The following ATXN10 variants were observed in gnomAD, a reference collection of about 807,000 sequenced individuals.
The protein encoded by ATXN10 is ataxin-10.
ATXN10 carries 28 observed loss-of-function variants against 52.9 expected under a neutral mutation model. The observed-to-expected ratio is 0.53, with a 90% CI of 0.39 to 0.73. The LOEUF (loss-of-function observed/expected upper bound fraction) is 0.73, where lower values mean the gene tolerates loss of function less well. Ranked by LOEUF, ATXN10 falls within the 30% of genes least tolerant of loss-of-function variation. The pLI, the probability that ATXN10 is intolerant of heterozygous loss-of-function variation, is 0.00. For missense variants in ATXN10, 565 were observed against 577.0 expected, an observed-to-expected ratio of 0.98 and a Z score of 0.21; for synonymous variants, 226 against 221.5, an observed-to-expected ratio of 1.02 and a Z score of -0.18.
At chr22:45,697,683 G>T (rs932060299) in intron 3 of ATXN10, among the ~76,000 whole-genome samples, 1 of 152,108 alleles carries the variant, frequency 6.6e-6, no homozygotes, top group Admixed American at 6.5e-5. Flanking sequence ...AGGCTGGAGT[G>T]CAGTGGGGCG....
chr22:45,725,446 C>T (rs1368738496), intron 6 of ATXN10, among the ~76,000 whole-genome samples: 9 of 108,148 alleles, frequency 8.3e-5, no homozygotes, highest in African/African-American at 2.4e-4. Context: ...GGACTGTGTT[C>T]TTGATTTGTT....
At chr22:45,751,748 AAAAAAATAAAAAAAAAATAATAAT>A (rs1925966539) in intron 9 of ATXN10, among the ~76,000 whole-genome samples, 1 of 64,816 alleles carries the variant, frequency 1.5e-5, no homozygotes, top group Admixed American at 1.7e-4. Flanking sequence ...TGGAAAAAAA[AAAAAAATAAAAAAAAAATAATAAT>A]AATAATAATA....
chr22:45,841,844 A>G lies in ATXN10; in HGVS notation c.1238-1147A>G, dbSNP rs2146921050. Among the ~76,000 whole-genome samples, 1 of 152,304 alleles carries G rather than the reference A, an allele frequency of 6.6e-6. No homozygotes were observed. The highest frequency in any genetic ancestry group is 6.5e-5 in the Admixed American group (1 of 15,306). ...TAGAAATGTCTCAGAACTGGTCCAC[A>G]GCGTTGCACAGGGGTGTTCAGGACA... On this transcript the variant is annotated intron_variant, in intron 10 of 11. Coordinates refer to ENST00000252934, the MANE Select transcript of ATXN10 (RefSeq NM_013236.4). This position sits in a 1 kb window ranked among gnomAD's most constrained non-coding sequence, Gnocchi z 5.1.
intron 10 of ATXN10, 77 bp downstream of exon 10, chr22:45,807,099 C>T (rs1928124838): frequency 5.1e-6 from 6 of 1,169,486 alleles, no homozygotes; most frequent in Non-Finnish European, 7.8e-6. Context: ...GCCTCATGTT[C>T]ATTCAGTATG....
rs941530518 is a variant in ATXN10, at chr22:45,844,878, T to C, written c.*1207T>C. On this transcript the variant is annotated 3_prime_UTR_variant, in exon 12 of 12. Coordinates refer to ENST00000252934, the MANE Select transcript of ATXN10 (RefSeq NM_013236.4). ...CTTCTAAGCTTTGTGTAGACATAGT[T>C]TAACTGATTTGTAAAAATAGCTTAA... The C allele has an allele frequency of 6.6e-6, 1 of 152,248 alleles. No homozygotes were observed. The highest frequency in any genetic ancestry group is 2.4e-5 in the African/African-American group (1 of 41,462). 9.4% of individuals were successfully genotyped at this position (152,248 alleles called of 1,614,324 possible). A position where few individuals can be genotyped will look rare whatever the true frequency, so the allele number is the denominator to read the frequency against.
At position 45,775,453 on chromosome 22, in the gene ATXN10, ATTTAG is replaced by A. The variant is rs1926918435; in HGVS notation, c.1174-31503_1174-31499del. On this transcript the variant is annotated intron_variant, in intron 9 of 11. Transcript: ENST00000252934. This position sits in a 1 kb window ranked among gnomAD's most constrained non-coding sequence, Gnocchi z 4.7. Reference sequence around the variant, plus strand: ...TGCTGAAAGTTTATATTCATTCCATATTTAGTTGTCTTTATTCTGTTCAAACATTT... The same window carrying A: ...TGCTGAAAGTTTATATTCATTCCATATTGTCTTTATTCTGTTCAAACATTT... Among the ~76,000 whole-genome samples the A allele has an allele frequency of 6.6e-6, 1 of 152,180 alleles. No individual in the cohort carries two copies. The highest frequency in any genetic ancestry group is 1.5e-5 in the Non-Finnish European group (1 of 68,038).
At chr22:45,791,825 C>T (rs1927522905) in intron 9 of ATXN10, among the ~76,000 whole-genome samples, 1 of 152,110 alleles carries the variant, frequency 6.6e-6, no homozygotes, top group Non-Finnish European at 1.5e-5. Context: ...CCTTATTTTT[C>T]TGTTGTTTTG....
chr22:45,751,739 G>GAAAAAAA, intron 9 of ATXN10, among the ~76,000 whole-genome samples: 1 of 14,098 alleles, frequency 7.1e-5, no homozygotes, highest in African/African-American at 3.0e-4. Flanking sequence ...ACCTTTTTCT[G>GAAAAAAA]GAAAAAAAAA....
At chr22:45,758,771 G>A (rs932976379) in intron 9 of ATXN10, among the ~76,000 whole-genome samples, 1 of 152,200 alleles carries the variant, frequency 6.6e-6, no homozygotes, top group East Asian at 1.9e-4. Flanking sequence ...TGTCTTCAGG[G>A]CAAGCTCTTG....
intron 9 of ATXN10, among the ~76,000 whole-genome samples, chr22:45,756,422 G>T (rs1419517292): frequency 6.6e-6 from 1 of 151,702 alleles, no homozygotes; most frequent in Middle Eastern, 3.4e-3. Context: ...GGAATTATAG[G>T]CATGAGCCAC....
intron 7 of ATXN10, among the ~76,000 whole-genome samples, chr22:45,730,335 C>A (rs1421314180): frequency 6.9e-5 from 10 of 144,456 alleles, no homozygotes; most frequent in African/African-American, 2.7e-4. Context: ...TGCAGTGAGA[C>A]CCTTGTCTCA....
At position 45,683,857 on chromosome 22, in the gene ATXN10, A is replaced by C. The variant is rs1923026643; in HGVS notation, c.117-5855A>C. ...GATGCCATTTACCAAGTTACCATGT[A>C]TACACAGTTCTGCTCTTGGGCTGTC... On this transcript the variant is annotated intron_variant, in intron 1 of 11. Coordinates refer to ENST00000252934, the MANE Select transcript of ATXN10 (RefSeq NM_013236.4). The surrounding 1 kb of genome is among the most constrained non-coding windows in gnomAD (Gnocchi z 4.8). Among the ~76,000 whole-genome samples, 1 of 152,202 alleles carries C rather than the reference A, an allele frequency of 6.6e-6. No homozygotes were observed. The highest frequency in any genetic ancestry group is 2.4e-5 in the African/African-American group (1 of 41,450).
Position 45,718,502 on chromosome 22 carries a change from C to A in ATXN10, c.728+9C>A, listed in dbSNP as rs748832007. 10 of 1,611,292 alleles carry A rather than the reference C, an allele frequency of 6.2e-6. No homozygotes were observed. Among genetic ancestry groups the A allele is most frequent in the South Asian group, 5.5e-5 (5 of 91,008 alleles). On this transcript the variant is annotated intron_variant, in intron 6 of 11. Coordinates refer to ENST00000252934, the MANE Select transcript of ATXN10 (RefSeq NM_013236.4). The surrounding 1 kb of genome is among the most constrained non-coding windows in gnomAD (Gnocchi z 4.4). ...CTGAACAATCAAGAAAGGTAACCCCCCAACCAGCGTGGTCTGGAGTATTTA... is the reference window on the plus strand; with the variant it reads ...CTGAACAATCAAGAAAGGTAACCCCACAACCAGCGTGGTCTGGAGTATTTA...
chr22:45,700,982 A>G (rs74861871), intron 4 of ATXN10, among the ~76,000 whole-genome samples: 4,974 of 152,282 alleles, frequency 0.033, 131 homozygotes, highest in South Asian at 0.1. Context: ...CTACTTCTTA[A>G]AAACCAGCTC....
In ATXN10 at chr22:45,795,212, A is replaced by T. The variant is rs909522640; in HGVS notation, c.1174-11747A>T. ...ATAAGTGGAATATTTAAAAATGCTCAGTCTCAAAAGAGTCTGGAAAATAAG... is the reference window on the plus strand; with the variant it reads ...ATAAGTGGAATATTTAAAAATGCTCTGTCTCAAAAGAGTCTGGAAAATAAG... On this transcript the variant is annotated intron_variant, in intron 9 of 11. Transcript: ENST00000252934. The surrounding 1 kb of genome is among the most constrained non-coding windows in gnomAD (Gnocchi z 4.6). Among the ~76,000 whole-genome samples the T allele has an allele frequency of 1.3e-5, 2 of 152,238 alleles. No homozygotes were observed. The highest frequency in any genetic ancestry group is 2.9e-5 in the Non-Finnish European group (2 of 68,042).
chr22:45,793,722 C>G, intron 9 of ATXN10: 1 of 1,466,276 alleles, frequency 6.8e-7, no homozygotes. Context: ...CTCTTGCCTG[C>G]TACTGAGGAG....
At chr22:45,729,656 T>A (rs779822907) in intron 7 of ATXN10, 66 bp downstream of exon 7, 4 of 1,537,534 alleles carry the variant, frequency 2.6e-6, no homozygotes, top group Non-Finnish European at 3.6e-6. Flanking sequence ...CTCAGCCAAG[T>A]CCTGTATGAG....
At chr22:45,785,801 C>T (rs931517396) in intron 9 of ATXN10, among the ~76,000 whole-genome samples, 3 of 152,212 alleles carry the variant, frequency 2.0e-5, no homozygotes, top group African/African-American at 4.8e-5. Context: ...GGGGTCTGCA[C>T]CGTCCTGCAG....
At position 45,843,653 on chromosome 22, in the gene ATXN10, C is replaced by T. The variant is rs199600628; in HGVS notation, c.1426-16C>T. On this transcript the variant is annotated splice_polypyrimidine_tract_variant and intron_variant, in intron 11 of 11. Transcript: ENST00000252934. This position sits in a 1 kb window ranked among gnomAD's most constrained non-coding sequence, Gnocchi z 4.5. Reference sequence around the variant, plus strand: ...ATTTGCTACATCTGCAATTTTGTTTCTTTCTTCTTCTTTAGTGAATGAACT... The same window carrying T: ...ATTTGCTACATCTGCAATTTTGTTTTTTTCTTCTTCTTTAGTGAATGAACT... 2 of 1,611,288 alleles carry T rather than the reference C, an allele frequency of 1.2e-6. No homozygotes were observed. The highest frequency in any genetic ancestry group is 1.7e-6 in the Non-Finnish European group (2 of 1,178,352).
Sources: gnomAD v4.1 joint callset for allele counts (sites outside exome capture counted in the v4.1 genomes callset) on GRCh38, gnomAD v4.1.1 for gene constraint, Gnocchi (gnomAD v3.1) non-coding constraint, MANE v1.5 for transcripts, NCBI Gene and HGNC (gene_info 2026-07-23, HGNC 2026-07-21) for gene names.